Variants in BMS1 observed in about 807,000 individuals in gnomAD.
The protein encoded by BMS1 is BMS1 ribosome biogenesis factor.
BMS1 carries 53 observed loss-of-function variants against 138.7 expected under a neutral mutation model. The observed-to-expected ratio is 0.38, with a 90% CI of 0.31 to 0.48. The LOEUF (loss-of-function observed/expected upper bound fraction) is 0.48, where lower values mean the gene tolerates loss of function less well. BMS1 is among the 20% of genes least tolerant of loss of function. BMS1 has a pLI of 0.97. For missense variants in BMS1, 1,360 were observed against 1,565.5 expected (o/e 0.87, Z 2.22); for synonymous variants, 504 against 539.9 (o/e 0.93, Z 0.92).
At position 42,784,583 on chromosome 10, in the gene BMS1, A is replaced by C; in HGVS notation, c.176+13A>C. Reference sequence around the variant, plus strand: ...GATCCTTTCACAGGTATGTTAGGCTACGGTCTGGTCATTCTTCCATTGATT... The same window carrying C: ...GATCCTTTCACAGGTATGTTAGGCTCCGGTCTGGTCATTCTTCCATTGATT... On this transcript the variant is annotated intron_variant, in intron 2 of 22. Transcript: ENST00000374518. 1 of 1,591,870 alleles carries C rather than the reference A, an allele frequency of 6.3e-7. No homozygotes were observed.
chr10:42,785,175 A>T (rs1841287957), intron 2 of BMS1, among the ~76,000 whole-genome samples: 1 of 152,206 alleles, frequency 6.6e-6, no homozygotes, highest in Admixed American at 6.5e-5. Context: ...TTTTTTAAAA[A>T]ACTATTAAAA....
intron 10 of BMS1, 37 bp downstream of exon 10, chr10:42,797,268 G>A (rs377641644): frequency 3.5e-5 from 55 of 1,582,946 alleles, no homozygotes; most frequent in Non-Finnish European, 4.2e-5. Flanking sequence ...CTATGAACTT[G>A]GCTCTCGAAA....
chr10:42,817,360 G>A lies in BMS1; in HGVS notation c.2446G>A (p.Asp816Asn), dbSNP rs544576935. 2.2e-5 allele frequency: 36 copies of A among 1,607,776 alleles called. No individual in the cohort carries two copies. The Admixed American group carries it at 2.9e-4, about 13-fold the overall frequency. Residue 816 changes from aspartate (D) to asparagine (N), a missense_variant, in exon 15 of 23, where the codon GAC (aspartate) becomes AAC (asparagine). Physicochemically the swap from Asp to Asn is conservative, Grantham distance 23 (BLOSUM62 1). Coordinates refer to ENST00000374518, the MANE Select transcript of BMS1 (RefSeq NM_014753.4). ...EKEVKEEIDP[D>N]EEESAKKKHL... ...AGAAGTTAAGGAAGAAATTGACCCCGACGAAGAAGAAAGTGCCAAGAAAAA... is the reference window on the plus strand; with the variant it reads ...AGAAGTTAAGGAAGAAATTGACCCCAACGAAGAAGAAAGTGCCAAGAAAAA...
chr10:42,806,845 T>C (rs1842026016), intron 13 of BMS1, among the ~76,000 whole-genome samples: 1 of 151,164 alleles, frequency 6.6e-6, no homozygotes, highest in South Asian at 2.1e-4. Context: ...TAGATTGACA[T>C]GCACGTGTAA....
intron 13 of BMS1, among the ~76,000 whole-genome samples, chr10:42,804,775 C>T (rs1564419684): frequency 6.6e-6 from 1 of 151,262 alleles, no homozygotes; most frequent in African/African-American, 2.4e-5. Context: ...TCCCAGAGTG[C>T]GATGTGATCT....
intron 15 of BMS1, among the ~76,000 whole-genome samples, chr10:42,817,806 T>G (rs988794962): frequency 6.6e-6 from 1 of 152,174 alleles, no homozygotes; most frequent in African/African-American, 2.4e-5. Context: ...TGAGACAGTG[T>G]GTTCATTTCA....
intron 4 of BMS1, among the ~76,000 whole-genome samples, chr10:42,790,027 G>T (rs926943300): frequency 6.6e-6 from 1 of 152,112 alleles, no homozygotes; most frequent in Non-Finnish European, 1.5e-5. Flanking sequence ...TCTCTGTCTG[G>T]GTGATGCCTG....
At chr10:42,795,942 A>G (rs1325113496) in intron 9 of BMS1, among the ~76,000 whole-genome samples, 1 of 152,178 alleles carries the variant, frequency 6.6e-6, no homozygotes, top group Non-Finnish European at 1.5e-5. Context: ...TTCCATCACT[A>G]TCATTATTCT....
chr10:42,818,731 G>A (rs550369887), intron 15 of BMS1, among the ~76,000 whole-genome samples: 7 of 152,288 alleles, frequency 4.6e-5, no homozygotes, highest in African/African-American at 1.2e-4. Context: ...AGATGTAGAT[G>A]CCCTCAGCAT....
At chr10:42,793,420 G>A (rs1458934496) in intron 8 of BMS1, among the ~76,000 whole-genome samples, 9 of 151,808 alleles carry the variant, frequency 5.9e-5, no homozygotes, top group Admixed American at 2.0e-4. Flanking sequence ...GCCCATCCCC[G>A]TTTCTACAAA....
intron 20 of BMS1, 145 bp from the exon 21 acceptor site, chr10:42,823,464 G>C: frequency 9.1e-7 from 1 of 1,094,324 alleles, no homozygotes; most frequent in Non-Finnish European, 1.3e-6. Flanking sequence ...TGATCTATGA[G>C]AATAGTTTCC....
rs762828042 is a variant in BMS1, at chr10:42,792,514, A to G, written c.801A>G (p.Pro267=). The change falls in exon 7 of 23, where the codon CCA becomes CCG. Residue 267 remains proline, a synonymous_variant. Coordinates refer to ENST00000374518, the MANE Select transcript of BMS1 (RefSeq NM_014753.4). ...LADRMEDLTN[P]EDIRTNIKCD... ...CTAGGATGGAAGATTTGACAAACCCAGAGGATATCCGAACAAACATCAAAT... is the reference window on the plus strand; with the variant it reads ...CTAGGATGGAAGATTTGACAAACCCGGAGGATATCCGAACAAACATCAAAT... 1.2e-6 allele frequency: 2 copies of G among 1,611,820 alleles called. No homozygotes were observed. The highest frequency in any genetic ancestry group is 3.3e-5 in the Admixed American group (2 of 60,002).
chr10:42,812,745 A>G (rs1842220068), intron 13 of BMS1, among the ~76,000 whole-genome samples: 1 of 152,218 alleles, frequency 6.6e-6, no homozygotes, highest in Non-Finnish European at 1.5e-5. Context: ...GGAAGGAGGC[A>G]GGCTTGGTAG....
At chr10:42,818,226 G>T (rs1842405920) in intron 15 of BMS1, among the ~76,000 whole-genome samples, 1 of 152,212 alleles carries the variant, frequency 6.6e-6, no homozygotes, top group East Asian at 1.9e-4. Flanking sequence ...TCCTGATTAG[G>T]CATTAGCTTA....
chr10:42,793,756 A>T, intron 8 of BMS1, 96 bp from the exon 9 acceptor site: 1 of 1,384,712 alleles, frequency 7.2e-7, no homozygotes, highest in Non-Finnish European at 9.8e-7. Flanking sequence ...TTCTTAGGAA[A>T]TGTGTCTAAG....
Position 42,830,305 on chromosome 10 carries a change from A to G in BMS1, c.3501A>G (p.Pro1167=), listed in dbSNP as rs778798751. 5.0e-6 allele frequency: 8 copies of G among 1,613,846 alleles called. No homozygotes were observed. In the East Asian group the frequency reaches 1.1e-4, roughly 22 times the overall value. ...AACATTTTAATTCACTGCACATTCCAAAAGCCTTGCAGAAGGCCCTGCCAT... is the reference window on the plus strand; with the variant it reads ...AACATTTTAATTCACTGCACATTCCGAAAGCCTTGCAGAAGGCCCTGCCAT... ...QKKHFNSLHI[P]KALQKALPFK... The change falls in exon 22 of 23, where the codon CCA becomes CCG. Residue 1167 remains proline (P), a synonymous_variant. Coordinates refer to ENST00000374518, the MANE Select transcript of BMS1 (RefSeq NM_014753.4).
intron 21 of BMS1, among the ~76,000 whole-genome samples, chr10:42,827,687 T>C (rs538896105): frequency 6.6e-6 from 1 of 152,238 alleles, no homozygotes; most frequent in African/African-American, 2.4e-5. Flanking sequence ...TATTTCCTTC[T>C]CTCCTTTATG....
chr10:42,830,478 C>G, intron 22 of BMS1, 56 bp downstream of exon 22: 1 of 1,547,470 alleles, frequency 6.5e-7, no homozygotes, highest in Non-Finnish European at 8.7e-7. Context: ...AGAACACTCT[C>G]AATAGCACAC....
intron 13 of BMS1, among the ~76,000 whole-genome samples, chr10:42,810,212 T>C (rs11239779): frequency 0.16 from 24,439 of 152,204 alleles, 2,601 homozygotes; most frequent in East Asian, 0.42. Context: ...TTTTTTGTTT[T>C]GTTTTTTCCT....
Sources: gnomAD v4.1 joint callset for allele counts (sites outside exome capture counted in the v4.1 genomes callset) on GRCh38, gnomAD v4.1.1 for gene constraint, MANE v1.5 for transcripts, NCBI Gene and HGNC (gene_info 2026-07-23, HGNC 2026-07-21) for gene names.